Variants in TRIB2 observed in about 807,000 individuals in gnomAD.
The protein encoded by TRIB2 is tribbles pseudokinase 2, also known as tribbles homolog 2.
A neutral mutation model predicts 26.8 loss-of-function variants in TRIB2; 2 were observed. The ratio of observed to expected loss-of-function variants is 0.07; its 90% CI spans 0.03 to 0.24. TRIB2 has a LOEUF of 0.24. Ranked by LOEUF, TRIB2 falls within the 10% of genes least tolerant of loss-of-function variation. The pLI is 1.00. For missense variants in TRIB2, 306 were observed against 449.0 expected, an observed-to-expected ratio of 0.68 and a Z score of 2.88; for synonymous variants, 189 against 187.3, an observed-to-expected ratio of 1.01 and a Z score of -0.08.
chr2:12,730,397 CA>C (rs1369448930), intron 2 of TRIB2, among the ~76,000 whole-genome samples: 1 of 152,188 alleles, frequency 6.6e-6, no homozygotes, highest in African/African-American at 2.4e-5. Flanking sequence ...AAATAGACAA[CA>C]GGTAAAATAC....
rs1003838975 is a variant in TRIB2 at position 12,717,394 on chromosome 2, T to G, written c.-914T>G. 6.0e-5 allele frequency: 24 copies of G among 398,262 alleles called. No individual in the cohort carries two copies. Among genetic ancestry groups the G allele is most frequent in the Middle Eastern group, 1.2e-3 (2 of 1,612 alleles). The allele number at this position is 398,262 out of a possible 1,614,324, so 24.7% of individuals were successfully genotyped here. ...TCGGAGACCGCCGATCTGTCCTCGT[T>G]CTCTCCTGCACGTCTGGCTGCATTC... is the stretch of plus-strand genomic sequence containing the variant. On this transcript the variant is annotated 5_prime_UTR_variant, in exon 1 of 3. Coordinates refer to ENST00000155926, the MANE Select transcript of TRIB2 (RefSeq NM_021643.4). This position sits in a 1 kb window ranked among gnomAD's most constrained non-coding sequence, Gnocchi z 4.8.
chr2:12,734,781 C>T (rs1357545235), intron 2 of TRIB2, among the ~76,000 whole-genome samples: 2 of 152,162 alleles, frequency 1.3e-5, no homozygotes, highest in East Asian at 3.9e-4. Context: ...ACTAGTGGGA[C>T]ATTTGAATTA....
rs1490058568 is a variant in TRIB2, at chr2:12,732,777, C to A, written c.564-7549C>A. On this transcript the variant is annotated intron_variant, in intron 2 of 2. Transcript: ENST00000155926. This position sits in a 1 kb window ranked among gnomAD's most constrained non-coding sequence, Gnocchi z 4.2. ...TTGGTAGCAGCCGCCCCGGGCGGGACCCTGGCTTTCACAGCTGGACTGGCT... is the reference window on the plus strand; with the variant it reads ...TTGGTAGCAGCCGCCCCGGGCGGGAACCTGGCTTTCACAGCTGGACTGGCT... 6.6e-6 allele frequency among the ~76,000 whole-genome samples: 1 copy of A among 152,220 alleles called. No homozygotes were observed. The highest frequency in any genetic ancestry group is 1.5e-5 in the Non-Finnish European group (1 of 68,040).
At chr2:12,722,231 T>C (rs1661234451) in intron 1 of TRIB2, among the ~76,000 whole-genome samples, 1 of 152,212 alleles carries the variant, frequency 6.6e-6, no homozygotes. Flanking sequence ...AGCTAAATCA[T>C]TGTGAACTGA....
At chr2:12,736,118 G>GAGGTGA (rs1281401892) in intron 2 of TRIB2, among the ~76,000 whole-genome samples, 1 of 152,164 alleles carries the variant, frequency 6.6e-6, no homozygotes, top group Non-Finnish European at 1.5e-5. Flanking sequence ...GGGGCAGGAG[G>GAGGTGA]AGGTGAAGGA....
intron 1 of TRIB2, among the ~76,000 whole-genome samples, chr2:12,719,283 CA>C (rs1666672275): frequency 1.3e-5 from 2 of 152,106 alleles, no homozygotes; most frequent in Admixed American, 1.3e-4. Context: ...CCCCCCTGAA[CA>C]ACACCTTTGC....
chr2:12,722,654 G>A lies in TRIB2; in HGVS notation c.271-606G>A, dbSNP rs978464250. 8.4e-5 allele frequency among the ~76,000 whole-genome samples: 12 copies of A among 143,318 alleles called. 1 individual carries two copies. The highest frequency in any genetic ancestry group is 1.3e-4 in the Non-Finnish European group (8 of 62,450). 94.0% of individuals were successfully genotyped at this position (143,318 alleles called of 152,430 possible). On this transcript the variant is annotated intron_variant, in intron 1 of 2. Transcript: ENST00000155926. ...GCAAGGCTGCTTCCCTATTCAGAAG[G>A]ATTCTATCATATTCCTACCTCTGCC...
Position 12,717,419 on chromosome 2 carries a change from C to T in TRIB2, c.-889C>T, listed in dbSNP as rs992300624. 2.8e-5 allele frequency: 11 copies of T among 398,324 alleles called. No individual in the cohort carries two copies. The highest frequency in any genetic ancestry group is 4.1e-5 in the African/African-American group (2 of 48,682). 24.7% of individuals were successfully genotyped at this position (398,324 alleles called of 1,614,324 possible). ...TCTCTCCTGCACGTCTGGCTGCATT[C>T]GGAGGAAGACCTGGGGCGCGAGCGA... On this transcript the variant is annotated 5_prime_UTR_variant, in exon 1 of 3. Coordinates refer to ENST00000155926, the MANE Select transcript of TRIB2 (RefSeq NM_021643.4). This position sits in a 1 kb window ranked among gnomAD's most constrained non-coding sequence, Gnocchi z 4.8.
intron 2 of TRIB2, among the ~76,000 whole-genome samples, chr2:12,738,202 C>T (rs757557154): frequency 4.5e-4 from 68 of 152,176 alleles, no homozygotes; most frequent in African/African-American, 1.5e-3. Context: ...CTCTTAGTGG[C>T]GGTGGTGATC....
Position 12,732,092 on chromosome 2 carries a change from C to G in TRIB2, c.564-8234C>G, listed in dbSNP as rs1661470529. On this transcript the variant is annotated intron_variant, in intron 2 of 2. Transcript: ENST00000155926. This position sits in a 1 kb window ranked among gnomAD's most constrained non-coding sequence, Gnocchi z 4.2. Reference sequence around the variant, plus strand: ...GTTCCTATGGCGACAGGATGGACTTCCTCTGTGAAGCCCTGGCGGCCTGCA... The same window carrying G: ...GTTCCTATGGCGACAGGATGGACTTGCTCTGTGAAGCCCTGGCGGCCTGCA... Among the ~76,000 whole-genome samples the G allele has an allele frequency of 6.6e-6, 1 of 152,158 alleles. No individual in the cohort carries two copies.
chr2:12,735,363 T>C (rs1164007544), intron 2 of TRIB2, among the ~76,000 whole-genome samples: 1 of 152,100 alleles, frequency 6.6e-6, no homozygotes, highest in African/African-American at 2.4e-5. Context: ...GCCCCAAGGA[T>C]TGGCTGTCCC....
At chr2:12,722,903 C>T (rs1225082108) in intron 1 of TRIB2, among the ~76,000 whole-genome samples, 1 of 152,038 alleles carries the variant, frequency 6.6e-6, no homozygotes, top group Non-Finnish European at 1.5e-5. Flanking sequence ...CCAATTTTGC[C>T]TTAGTTCTAT....
At chr2:12,734,855 A>C (rs1558319218) in intron 2 of TRIB2, among the ~76,000 whole-genome samples, 1 of 152,146 alleles carries the variant, frequency 6.6e-6, no homozygotes, top group Non-Finnish European at 1.5e-5. Context: ...GAAAATTCAT[A>C]ATGCCCAGAC....
At chr2:12,726,963 C>T (rs6753723) in intron 2 of TRIB2, among the ~76,000 whole-genome samples, 61,072 of 152,010 alleles carry the variant, frequency 0.4, 14,870 homozygotes, top group East Asian at 0.82. Flanking sequence ...GAACTGCCAG[C>T]GCCTTCAGTC....
intron 2 of TRIB2, among the ~76,000 whole-genome samples, chr2:12,727,162 G>C (rs139869781): frequency 2.0e-5 from 3 of 152,328 alleles, no homozygotes; most frequent in East Asian, 3.9e-4. Flanking sequence ...TCTTGGATAA[G>C]TCATTGAATG....
At chr2:12,722,623 G>A (rs774002355) in intron 1 of TRIB2, among the ~76,000 whole-genome samples, 1 of 152,114 alleles carries the variant, frequency 6.6e-6, no homozygotes, top group Non-Finnish European at 1.5e-5. Context: ...GGGAAGAGAG[G>A]AAGAAGCAAG....
chr2:12,738,976 A>G (rs1006285924), intron 2 of TRIB2, among the ~76,000 whole-genome samples: 6 of 152,134 alleles, frequency 3.9e-5, no homozygotes, highest in Admixed American at 1.3e-4. Flanking sequence ...TCTTGAGCAT[A>G]CCCTGGAGAG....
chr2:12,723,967 G>A (rs1424561402), intron 2 of TRIB2, among the ~76,000 whole-genome samples: 2 of 152,096 alleles, frequency 1.3e-5, no homozygotes, highest in African/African-American at 2.4e-5. Flanking sequence ...TCTTACCTAA[G>A]CTTATATTAG....
chr2:12,739,150 G>T (rs1003425425), intron 2 of TRIB2, among the ~76,000 whole-genome samples: 2 of 152,182 alleles, frequency 1.3e-5, no homozygotes, highest in African/African-American at 4.8e-5. Flanking sequence ...ACAGACAGAA[G>T]ATGTGGGTGA....
Sources: allele counts gnomAD v4.1 joint callset (sites outside exome capture counted in the v4.1 genomes callset), GRCh38; gene constraint gnomAD v4.1.1; non-coding constraint Gnocchi (gnomAD v3.1); transcripts MANE v1.5; gene names NCBI Gene and HGNC (gene_info 2026-07-23, HGNC 2026-07-21).